The following ZCCHC8 variants were observed in gnomAD, a reference collection of about 807,000 sequenced individuals.
ZCCHC8 encodes zinc finger CCHC-type containing 8, also known as zinc finger CCHC domain-containing protein 8.
A neutral mutation model predicts 70.6 loss-of-function variants in ZCCHC8; 27 were observed. That is an observed-to-expected ratio of 0.38 (90% CI 0.28 to 0.53). The LOEUF is 0.53. Among genes scored for constraint, ZCCHC8 ranks in the 20% least tolerant of loss-of-function variants. ZCCHC8 has a pLI of 0.81. For missense variants in ZCCHC8, 737 were observed against 876.9 expected, an observed-to-expected ratio of 0.84 and a Z score of 2.01; for synonymous variants, 293 against 317.4, an observed-to-expected ratio of 0.92 and a Z score of 0.82.
chr12:122,488,300 G>T (rs1957679780), intron 5 of ZCCHC8, among the ~76,000 whole-genome samples: 1 of 152,036 alleles, frequency 6.6e-6, no homozygotes, highest in South Asian at 2.1e-4. Context: ...CCAAAGTCCT[G>T]GGATTACAGG....
In ZCCHC8 at chr12:122,500,451, CCGAG is replaced by C; in HGVS notation, c.199+187_199+190del. The C allele has an allele frequency of 1.4e-6, 1 of 736,306 alleles. No individual in the cohort carries two copies. Among genetic ancestry groups the C allele is most frequent in the Non-Finnish European group, 2.1e-6 (1 of 465,864 alleles). 45.6% of individuals were successfully genotyped at this position (736,306 alleles called of 1,614,324 possible). A position where few individuals can be genotyped will look rare whatever the true frequency, so the allele number is the denominator to read the frequency against. Reference sequence around the variant, plus strand: ...CCTCCCTGAGGGGAAGAGGTCTGCGCCGAGGCAGCCTGCGCGCCCCGAACCCTAG... The same window carrying C: ...CCTCCCTGAGGGGAAGAGGTCTGCGCGCAGCCTGCGCGCCCCGAACCCTAG... On this transcript the variant is annotated intron_variant, in intron 1 of 13. Transcript: ENST00000633063. The surrounding 1 kb of genome is among the most constrained non-coding windows in gnomAD (Gnocchi z 4.8).
chr12:122,484,730 A>G (rs529239042), intron 5 of ZCCHC8, among the ~76,000 whole-genome samples: 1 of 151,906 alleles, frequency 6.6e-6, no homozygotes, highest in African/African-American at 2.4e-5. Context: ...TCTCTTGAAC[A>G]TTTCCAGTAA....
intron 5 of ZCCHC8, chr12:122,484,080 C>G (rs1223344162): frequency 6.4e-6 from 1 of 156,170 alleles, no homozygotes; most frequent in Non-Finnish European, 1.4e-5. Context: ...TACACATACA[C>G]CGAACACACA....
At chr12:122,474,711 A>ACACCTTG (rs1374668582) in intron 13 of ZCCHC8, among the ~76,000 whole-genome samples, 1 of 149,926 alleles carries the variant, frequency 6.7e-6, no homozygotes, top group East Asian at 1.9e-4. Flanking sequence ...AGGCAGGAGT[A>ACACCTTG]CACCTTGGGT....
In ZCCHC8 at chr12:122,473,932, T is replaced by C; in HGVS notation, c.1689A>G (p.Leu563=). ...SVASSPCPNE[L]DLPVPEGKTS... is the part of the protein sequence containing the mutation. Reference sequence around the variant, plus strand: ...TTTTTCCCTCCGGGACAGGGAGGTCTAGCTCATTTGGACAAGGTGATGAGG... The same window carrying C: ...TTTTTCCCTCCGGGACAGGGAGGTCCAGCTCATTTGGACAAGGTGATGAGG... Residue 563 remains leucine (L), a synonymous_variant, in exon 14 of 14, where the codon CTA becomes CTG. Transcript: ENST00000633063. 6.2e-7 allele frequency: 1 copy of C among 1,613,170 alleles called. No homozygotes were observed. The highest frequency in any genetic ancestry group is 1.1e-5 in the South Asian group (1 of 90,970).
intron 13 of ZCCHC8, among the ~76,000 whole-genome samples, chr12:122,474,503 A>G (rs1371881745): frequency 6.6e-6 from 1 of 152,144 alleles, no homozygotes; most frequent in Non-Finnish European, 1.5e-5. Context: ...GCTAAAGGCT[A>G]TCCCTCGGGA....
intron 5 of ZCCHC8, among the ~76,000 whole-genome samples, chr12:122,487,744 T>G (rs1456349273): frequency 6.6e-6 from 1 of 152,212 alleles, no homozygotes; most frequent in African/African-American, 2.4e-5. Flanking sequence ...ATCCTATTTG[T>G]AGAGATGCGA....
chr12:122,489,968 C>T (rs1957715139), intron 4 of ZCCHC8, among the ~76,000 whole-genome samples: 1 of 150,100 alleles, frequency 6.7e-6, no homozygotes, highest in Non-Finnish European at 1.5e-5. Context: ...TACTACTTAC[C>T]TTAATTTTTA....
Position 122,481,995 on chromosome 12 carries a change from G to C in ZCCHC8, c.825C>G (p.His275Gln). ...CAAATCTTTCTTCTACTTCTTCTGC[G>C]TGGTATCGCTGCTGGAAATTCTGAT... Reference protein sequence around the residue: ...ANNQNFQQRYHAEEVEERFGR... With the variant: ...ANNQNFQQRYQAEEVEERFGR... The change falls in exon 9 of 14, where the codon CAC becomes CAG. Residue 275 changes from histidine to glutamine, a missense_variant. Transcript: ENST00000633063. 6.2e-7 allele frequency: 1 copy of C among 1,613,300 alleles called. No homozygotes were observed. The highest frequency in any genetic ancestry group is 8.5e-7 in the Non-Finnish European group (1 of 1,179,706).
intron 2 of ZCCHC8, among the ~76,000 whole-genome samples, chr12:122,496,728 G>A (rs1471602125): frequency 1.3e-5 from 2 of 152,094 alleles, no homozygotes; most frequent in African/African-American, 2.4e-5. Flanking sequence ...TCCCACTTCT[G>A]GTCTCAAGCA....
chr12:122,483,186 C>T lies in ZCCHC8; in HGVS notation c.671+93G>A. Reference sequence around the variant, plus strand: ...AATCTGTAATTAACCTTAGAGTAAACCAGCAGTAAAGAACATGAACTTTTC... The same window carrying T: ...AATCTGTAATTAACCTTAGAGTAAATCAGCAGTAAAGAACATGAACTTTTC... On this transcript the variant is annotated intron_variant, in intron 7 of 13. Coordinates refer to ENST00000633063, the MANE Select transcript of ZCCHC8 (RefSeq NM_017612.5). The surrounding 1 kb of genome is among the most constrained non-coding windows in gnomAD (Gnocchi z 4.4). 8.8e-7 allele frequency: 1 copy of T among 1,142,540 alleles called. No individual in the cohort carries two copies. Among genetic ancestry groups the T allele is most frequent in the Non-Finnish European group, 1.3e-6 (1 of 793,218 alleles). 70.8% of individuals were successfully genotyped at this position (1,142,540 alleles called of 1,614,324 possible). A position where few individuals can be genotyped will look rare whatever the true frequency, so the allele number is the denominator to read the frequency against.
At position 122,483,830 on chromosome 12, in the gene ZCCHC8, C is replaced by T; in HGVS notation, c.502-267G>A. 2 of 334,028 alleles carry T rather than the reference C, an allele frequency of 6.0e-6. No homozygotes were observed. Among genetic ancestry groups the T allele is most frequent in the Non-Finnish European group, 1.1e-5 (2 of 184,656 alleles). 20.7% of individuals were successfully genotyped at this position (334,028 alleles called of 1,614,324 possible). On this transcript the variant is annotated intron_variant, in intron 5 of 13. Transcript: ENST00000633063. This position sits in a 1 kb window ranked among gnomAD's most constrained non-coding sequence, Gnocchi z 4.4. ...CAGAATTCAAACAAAAAATGAAAACCTTGACTCTCATATTTCCCTCCAATG... is the reference window on the plus strand; with the variant it reads ...CAGAATTCAAACAAAAAATGAAAACTTTGACTCTCATATTTCCCTCCAATG...
At chr12:122,494,689 A>T (rs1957800543) in intron 2 of ZCCHC8, among the ~76,000 whole-genome samples, 1 of 152,158 alleles carries the variant, frequency 6.6e-6, no homozygotes, top group Non-Finnish European at 1.5e-5. Flanking sequence ...CCCCGACTCT[A>T]CCAAAAATAC....
chr12:122,497,277 A>ATGC (rs1336451062), intron 2 of ZCCHC8, among the ~76,000 whole-genome samples: 1 of 152,146 alleles, frequency 6.6e-6, no homozygotes, highest in Non-Finnish European at 1.5e-5. Context: ...GCAGTGGCTC[A>ATGC]TGCCTGTTAA....
chr12:122,481,695 C>T (rs1448537308), intron 9 of ZCCHC8, 31 bp from the exon 10 acceptor site: 7 of 1,602,896 alleles, frequency 4.4e-6, no homozygotes, highest in Non-Finnish European at 3.4e-6. Context: ...AAGAAAAATA[C>T]TGAATTCTTA....
In ZCCHC8 at chr12:122,473,892, T is replaced by C. The variant is rs2137316757; in HGVS notation, c.1729A>G (p.Thr577Ala). 1.2e-6 allele frequency: 2 copies of C among 1,613,946 alleles called. No homozygotes were observed. Among genetic ancestry groups the C allele is most frequent in the Non-Finnish European group, 8.5e-7 (1 of 1,179,882 alleles). ...VPEGKTSEKQ[T>A]LDEPEVPEIF... ...TCTGGTACCTCAGGCTCATCCAGCG[T>C]CTGCTTTTCAGATGTTTTTCCCTCC... The change falls in exon 14 of 14, where the codon ACG becomes GCG. Residue 577 changes from threonine to alanine, a missense_variant. Physicochemically the swap from Thr to Ala is moderately conservative, Grantham distance 58. Transcript: ENST00000633063.
intron 1 of ZCCHC8, chr12:122,499,905 A>C (rs1265810505): frequency 1.3e-5 from 2 of 152,152 alleles, no homozygotes; most frequent in African/African-American, 4.8e-5. Flanking sequence ...AAATTTTAAA[A>C]GGAAAACTAC....
chr12:122,481,557 A>C lies in ZCCHC8; in HGVS notation c.983T>G (p.Leu328Trp). 1 of 1,613,868 alleles carries C rather than the reference A, an allele frequency of 6.2e-7. No individual in the cohort carries two copies. The highest frequency in any genetic ancestry group is 1.1e-5 in the South Asian group (1 of 91,080). The change falls in exon 10 of 14, where the codon TTG (leucine) becomes TGG (tryptophan). Residue 328 changes from leucine to tryptophan, a missense_variant. Coordinates refer to ENST00000633063, the MANE Select transcript of ZCCHC8 (RefSeq NM_017612.5). The stretch of plus-strand genomic sequence containing the variant: ...ATAGAGTGCAAGCCCCGAATTCTCC[A>C]ATTCAGCCTCTTTGAGCCACCCTGG... ...YPPGWLKEAE[L>W]ENSGLALYDG...
intron 5 of ZCCHC8, among the ~76,000 whole-genome samples, chr12:122,488,809 T>C (rs1300467847): frequency 6.7e-6 from 1 of 149,348 alleles, no homozygotes. Flanking sequence ...AGGCGGAGGT[T>C]GCAGTGAGCC....
Sources: allele counts gnomAD v4.1 joint callset (sites outside exome capture counted in the v4.1 genomes callset), GRCh38; gene constraint gnomAD v4.1.1; non-coding constraint Gnocchi (gnomAD v3.1); transcripts MANE v1.5; gene names NCBI Gene and HGNC (gene_info 2026-07-23, HGNC 2026-07-21).